KIAA1217: variants seen among roughly 807,000 people sequenced by gnomAD.
The protein encoded by KIAA1217 is KIAA1217.
In KIAA1217, 88 loss-of-function variants were observed where a neutral mutation model predicts 163.9. The observed-to-expected ratio is 0.54, with a 90% CI of 0.45 to 0.64. KIAA1217 has a LOEUF of 0.64. Ranked by LOEUF, KIAA1217 falls within the 30% of genes least tolerant of loss-of-function variation. KIAA1217 has a pLI of 0.00. For missense variants in KIAA1217, 2,372 were observed against 2,475.0 expected, an observed-to-expected ratio of 0.96 and a Z score of 0.88; for synonymous variants, 903 against 923.1, an observed-to-expected ratio of 0.98 and a Z score of 0.39.
intron 9 of KIAA1217, among the ~76,000 whole-genome samples, chr10:24,510,895 G>C (rs1035338308): frequency 6.6e-6 from 1 of 152,094 alleles, no homozygotes; most frequent in African/African-American, 2.4e-5. Flanking sequence ...CTTCATTGTT[G>C]CCTGTTCTTA....
At chr10:24,349,678 T>C (rs1048424475) in intron 2 of KIAA1217, among the ~76,000 whole-genome samples, 2 of 152,182 alleles carry the variant, frequency 1.3e-5, no homozygotes, top group African/African-American at 4.8e-5. Context: ...AGAAAGTACA[T>C]GCCAAGAACC....
chr10:24,430,465 TA>T (rs755808804), intron 3 of KIAA1217, among the ~76,000 whole-genome samples: 1 of 152,166 alleles, frequency 6.6e-6, no homozygotes, highest in Non-Finnish European at 1.5e-5. Context: ...TGGACAGGGT[TA>T]GGGGGAGATG....
intron 5 of KIAA1217, chr10:24,466,833 A>C (rs145517175): frequency 1.0e-6 from 1 of 971,266 alleles, no homozygotes; most frequent in East Asian, 1.1e-4. Context: ...GTGTCTTAAG[A>C]TTCCATTTCA....
chr10:23,980,230 T>C (rs936076928), intron 1 of KIAA1217, among the ~76,000 whole-genome samples: 3 of 152,174 alleles, frequency 2.0e-5, no homozygotes, highest in Non-Finnish European at 4.4e-5. Context: ...TCAAACATGC[T>C]TGACTGAGCT....
chr10:24,219,685 A>G lies in KIAA1217; in HGVS notation c.130A>G (p.Lys44Glu), dbSNP rs1382874094. Residue 44 changes from lysine to glutamate, a missense_variant, in exon 2 of 21, where the codon AAG becomes GAG. By Grantham distance (56) the Lys-to-Glu change is moderately conservative. Coordinates refer to ENST00000376454, the MANE Select transcript of KIAA1217 (RefSeq NM_019590.5). ...AGAAGATGCAGAATGCCGCAGAACC[A>G]AGGAACGCCTTTCTAATGGAAACAG... ...SPEDAECRRT[K>E]ERLSNGNSRG... 1.9e-6 allele frequency: 3 copies of G among 1,613,728 alleles called. No homozygotes were observed. The highest frequency in any genetic ancestry group is 3.3e-5 in the Admixed American group (2 of 59,966).
At chr10:24,526,105 C>T (rs150599942) in intron 13 of KIAA1217, among the ~76,000 whole-genome samples, 2 of 152,282 alleles carry the variant, frequency 1.3e-5, no homozygotes, top group South Asian at 2.1e-4. Context: ...CTTCTTGCCT[C>T]GTAACTTTTC....
intron 4 of KIAA1217, among the ~76,000 whole-genome samples, chr10:24,433,527 G>C (rs7900470): frequency 0.25 from 37,422 of 150,848 alleles, 6,565 homozygotes; most frequent in African/African-American, 0.49. Flanking sequence ...AAATTTCTCC[G>C]CCACAGATTT....
chr10:23,982,327 CTCTAG>C (rs1845800599), intron 1 of KIAA1217, among the ~76,000 whole-genome samples: 1 of 152,098 alleles, frequency 6.6e-6, no homozygotes, highest in African/African-American at 2.4e-5. Context: ...GTTTGCCTAA[CTCTAG>C]TCTAGGGCTC....
At chr10:24,054,071 T>C (rs968531385) in intron 2 of KIAA1217, among the ~76,000 whole-genome samples, 1 of 152,208 alleles carries the variant, frequency 6.6e-6, no homozygotes, top group African/African-American at 2.4e-5. Context: ...TTCTAGGATC[T>C]AACCAAGATG....
intron 10 of KIAA1217, among the ~76,000 whole-genome samples, chr10:24,516,902 G>A (rs2070267836): frequency 6.6e-6 from 1 of 152,152 alleles, no homozygotes; most frequent in Non-Finnish European, 1.5e-5. Flanking sequence ...GCTCATGCCT[G>A]TAACCCCAGC....
chr10:23,717,790 G>A (rs1024021328), intron 1 of KIAA1217, among the ~76,000 whole-genome samples: 1 of 151,992 alleles, frequency 6.6e-6, no homozygotes, highest in African/African-American at 2.4e-5. Context: ...GAGCCAAAAC[G>A]AAGATGAAAA....
chr10:24,334,480 G>GAAGA (rs57079367), intron 2 of KIAA1217, among the ~76,000 whole-genome samples: 3,281 of 81,840 alleles, frequency 0.04, 111 homozygotes, highest in Middle Eastern at 0.13. Flanking sequence ...AGGAAGGAAG[G>GAAGA]AAGGAACTTA....
Position 24,543,545 on chromosome 10 carries a change from A to G in KIAA1217, c.4275A>G (p.Arg1425=). ...NIDARKEMTP[R]QEGTDNEDPV... ...ATGCCAGAAAAGAGATGACCCCCCG[A>G]CAAGAAGGGACTGACAATGAGGATC... Residue 1425 remains arginine, a synonymous_variant, in exon 19 of 21, where the codon CGA becomes CGG. Coordinates refer to ENST00000376454, the MANE Select transcript of KIAA1217 (RefSeq NM_019590.5). 1 of 1,614,170 alleles carries G rather than the reference A, an allele frequency of 6.2e-7. No individual in the cohort carries two copies. Among genetic ancestry groups the G allele is most frequent in the Non-Finnish European group, 8.5e-7 (1 of 1,180,038 alleles).
At chr10:23,972,379 T>C (rs1845350436) in intron 1 of KIAA1217, among the ~76,000 whole-genome samples, 1 of 151,712 alleles carries the variant, frequency 6.6e-6, no homozygotes, top group Admixed American at 6.6e-5. Context: ...CCATAAATGA[T>C]AGACTGGATA....
At chr10:24,435,149 G>A (rs928590620) in intron 4 of KIAA1217, among the ~76,000 whole-genome samples, 5 of 152,178 alleles carry the variant, frequency 3.3e-5, no homozygotes, top group Non-Finnish European at 7.3e-5. Context: ...ATGTGCCCAG[G>A]TGTATGAGTA....
chr10:24,504,483 T>G (rs2068084439), intron 9 of KIAA1217, among the ~76,000 whole-genome samples: 1 of 152,176 alleles, frequency 6.6e-6, no homozygotes, highest in African/African-American at 2.4e-5. Context: ...CAAAAACAGC[T>G]TAGAATAATT....
chr10:23,817,910 C>T lies in KIAA1217; in HGVS notation c.-321+122676C>T, dbSNP rs1231727008. ...TTCAAGAACAGTCTAGACAACATAGCTAGACTCTGTCTCTACAAAAAATTA... is the reference window on the plus strand; with the variant it reads ...TTCAAGAACAGTCTAGACAACATAGTTAGACTCTGTCTCTACAAAAAATTA... On this transcript the variant is annotated intron_variant, in intron 1 of 18. Coordinates refer to the KIAA1217 transcript ENST00000376462. Among the ~76,000 whole-genome samples, 10 of 130,528 alleles carry T rather than the reference C, an allele frequency of 7.7e-5. No individual in the cohort carries two copies. The Admixed American group carries it at 8.6e-4, about 11-fold the overall frequency. 85.6% of individuals were successfully genotyped at this position (130,528 alleles called of 152,430 possible). A position where few individuals can be genotyped will look rare whatever the true frequency, so the allele number is the denominator to read the frequency against.
At chr10:23,758,620 C>A (rs1220944477) in intron 1 of KIAA1217, among the ~76,000 whole-genome samples, 1 of 130,222 alleles carries the variant, frequency 7.7e-6, no homozygotes, top group Non-Finnish European at 1.6e-5. Context: ...TTCTTTCTTT[C>A]TTACTTTCTC....
At chr10:24,084,012 GT>G (rs1287787559) in intron 2 of KIAA1217, among the ~76,000 whole-genome samples, 2 of 152,196 alleles carry the variant, frequency 1.3e-5, no homozygotes, top group Admixed American at 1.3e-4. Context: ...ACAGAGAGTT[GT>G]TGAGGTCTTT....
Sources: allele counts gnomAD v4.1 joint callset (sites outside exome capture counted in the v4.1 genomes callset), GRCh38; gene constraint gnomAD v4.1.1; transcripts MANE v1.5; gene names NCBI Gene and HGNC (gene_info 2026-07-23, HGNC 2026-07-21).